KDM5B: variants seen among roughly 807,000 people sequenced by gnomAD.
KDM5B encodes the protein lysine demethylase 5B.
KDM5B carries 144 observed loss-of-function variants against 193.4 expected under a neutral mutation model. The ratio of observed to expected loss-of-function variants is 0.74; its 90% CI spans 0.65 to 0.86. The LOEUF is 0.86. KDM5B is among the 40% of genes least tolerant of loss of function. The pLI is 0.00. For synonymous variants in KDM5B, 668 were observed against 682.6 expected, an observed-to-expected ratio of 0.98 and a Z score of 0.33; for missense variants, 1,833 against 1,886.9, an observed-to-expected ratio of 0.97 and a Z score of 0.53.
chr1:202,752,098 C>A (rs1655813082), intron 12 of KDM5B, among the ~76,000 whole-genome samples: 1 of 152,092 alleles, frequency 6.6e-6, no homozygotes, highest in Admixed American at 6.6e-5. Flanking sequence ...GTAAATGTAT[C>A]ATTTACATTT....
chr1:202,742,144 G>T (rs1209593901), intron 18 of KDM5B, among the ~76,000 whole-genome samples: 1 of 151,868 alleles, frequency 6.6e-6, no homozygotes, highest in African/African-American at 2.4e-5. Context: ...AAGTGCTGGG[G>T]TTACAGGTGT....
chr1:202,760,589 TG>T lies in KDM5B; in HGVS notation c.919-17del. ...ACAGGTCCACCTGTAGCAATAAAAG[TG>T]GGTACAGAACAAAGGAACATGAGCT... On this transcript the variant is annotated splice_polypyrimidine_tract_variant and intron_variant, in intron 7 of 26. Coordinates refer to ENST00000367265, the MANE Select transcript of KDM5B (RefSeq NM_006618.5). 6.3e-7 allele frequency: 1 copy of T among 1,593,480 alleles called. No homozygotes were observed. The highest frequency in any genetic ancestry group is 8.5e-7 in the Non-Finnish European group (1 of 1,169,700).
At chr1:202,774,791 T>A in intron 2 of KDM5B, 56 bp from the exon 3 acceptor site, 2 of 1,512,698 alleles carry the variant, frequency 1.3e-6, no homozygotes, top group East Asian at 4.5e-5. Flanking sequence ...AAGCTCCTAT[T>A]ACCTGCCATT....
At position 202,733,790 on chromosome 1, in the gene KDM5B, C is replaced by T. The variant is rs143647342; in HGVS notation, c.3520G>A (p.Val1174Met). Residue 1174 changes from valine to methionine, a missense_variant, in exon 23 of 27, where the codon GTG becomes ATG. Around this residue, in one of 3 missense-constraint regions of KDM5B, gnomAD observed 1,379 missense variants for 1,349.6 expected, o/e 1.02. Transcript: ENST00000367265. ...TGACATAGGCAGATTTTTATATCCA[C>T]ATCTTGGAGAGGCGACAGCAATTTC... is the stretch of plus-strand genomic sequence containing the variant. ...EGKLLSPLQD[V>M]DIKICLCQKA... 299 of 1,614,162 alleles carry T rather than the reference C, an allele frequency of 1.9e-4. No homozygotes were observed. In the African/African-American group the frequency reaches 3.4e-3, roughly 18 times the overall value.
intron 2 of KDM5B, among the ~76,000 whole-genome samples, chr1:202,776,426 C>T (rs1225656396): frequency 6.6e-6 from 1 of 151,966 alleles, no homozygotes; most frequent in Non-Finnish European, 1.5e-5. Flanking sequence ...CTTTTATATG[C>T]CCAGCTTTGG....
chr1:202,778,997 G>A (rs1227262599), intron 1 of KDM5B, among the ~76,000 whole-genome samples: 1 of 152,238 alleles, frequency 6.6e-6, no homozygotes, highest in Non-Finnish European at 1.5e-5. Flanking sequence ...AGGCTTTACA[G>A]TAGAAAAATA....
chr1:202,739,003 G>A (rs1655199468), intron 20 of KDM5B, among the ~76,000 whole-genome samples: 1 of 152,094 alleles, frequency 6.6e-6, no homozygotes, highest in Non-Finnish European at 1.5e-5. Flanking sequence ...TCTTTTGTAG[G>A]GTTGGGAGGG....
At chr1:202,760,095 T>A (rs996385972) in intron 8 of KDM5B, among the ~76,000 whole-genome samples, 4 of 152,146 alleles carry the variant, frequency 2.6e-5, no homozygotes, top group African/African-American at 9.6e-5. Context: ...GGAGGACTAT[T>A]TGAGCTTAGG....
chr1:202,737,164 C>T (rs1454522849), intron 20 of KDM5B, among the ~76,000 whole-genome samples: 3 of 152,192 alleles, frequency 2.0e-5, no homozygotes, highest in African/African-American at 7.2e-5. Context: ...CCAATCCACT[C>T]ACCAATGATT....
rs144713226 is a variant in KDM5B, at chr1:202,763,303, G to C, written c.809-495C>G. On this transcript the variant is annotated intron_variant, in intron 6 of 26. Transcript: ENST00000367265. ...TCAATTACTGAACTATCATGTGGTA[G>C]GCATTGTGCTCAATGCTTTCCATAA... Among the ~76,000 whole-genome samples, 59 of 152,286 alleles carry C rather than the reference G, an allele frequency of 3.9e-4. No individual in the cohort carries two copies. The East Asian group carries it at 0.011, about 29-fold the overall frequency.
At position 202,735,575 on chromosome 1, in the gene KDM5B, G is replaced by A. The variant is rs774901980; in HGVS notation, c.3277C>T (p.Arg1093Ter). 7 of 1,613,376 alleles carry A rather than the reference G, an allele frequency of 4.3e-6. No homozygotes were observed. The highest frequency in any genetic ancestry group is 1.3e-5 in the African/African-American group (1 of 74,786). Residue 1093 changes from arginine (R) to a stop codon, truncating the protein, a stop_gained, in exon 22 of 27, where the codon CGA becomes TGA. Coordinates refer to ENST00000367265, the MANE Select transcript of KDM5B (RefSeq NM_006618.5). LOFTEE classifies it high-confidence loss of function. ...AATCCCAAAAGGCCAATATCACATC[G>A]AGGACACAGCACCTAATGTGGGACA... ...PYSLLEVLCP[R>*]CDIGLLGLKR...
rs553695051 is a variant in KDM5B, at chr1:202,770,209, C to A, written c.576+2909G>T. 9.7e-4 allele frequency among the ~76,000 whole-genome samples: 148 copies of A among 152,240 alleles called. 1 individual carries two copies. The highest frequency in any genetic ancestry group is 3.4e-3 in the African/African-American group (142 of 41,530). The stretch of plus-strand genomic sequence containing the variant: ...TTAACATACAGACGCTAATTTTAAC[C>A]TTTACTTGAGAAACCAGGACTTACA... On this transcript the variant is annotated intron_variant, in intron 4 of 26. Transcript: ENST00000367265.
chr1:202,744,919 C>T (rs552427007), intron 16 of KDM5B, among the ~76,000 whole-genome samples: 1 of 152,216 alleles, frequency 6.6e-6, no homozygotes, highest in East Asian at 1.9e-4. Flanking sequence ...CAATGATAGA[C>T]TGGATAAAGA....
chr1:202,750,850 CA>C, intron 12 of KDM5B, 72 bp from the exon 13 acceptor site: 1 of 1,477,342 alleles, frequency 6.8e-7, no homozygotes, highest in Non-Finnish European at 9.3e-7. Context: ...AATCTGGACA[CA>C]GTCTATTAGA....
chr1:202,751,649 G>C (rs1193019579), intron 12 of KDM5B, among the ~76,000 whole-genome samples: 1 of 152,150 alleles, frequency 6.6e-6, no homozygotes, highest in Non-Finnish European at 1.5e-5. Flanking sequence ...TCTCAATAGA[G>C]TTATTAGATC....
chr1:202,760,274 C>G (rs773455689), intron 8 of KDM5B, 141 bp downstream of exon 8: 14 of 576,394 alleles, frequency 2.4e-5, no homozygotes, highest in Non-Finnish European at 3.8e-5. Flanking sequence ...CATGTTTGTG[C>G]CACTGCACTC....
At chr1:202,776,470 A>G (rs1273673520) in intron 2 of KDM5B, among the ~76,000 whole-genome samples, 1 of 152,060 alleles carries the variant, frequency 6.6e-6, no homozygotes, top group East Asian at 1.9e-4. Context: ...TCAGCCCAGG[A>G]GTTTGAGACC....
intron 1 of KDM5B, among the ~76,000 whole-genome samples, chr1:202,777,530 G>GTT (rs1657010262): frequency 6.6e-6 from 1 of 150,402 alleles, no homozygotes; most frequent in Admixed American, 6.6e-5. Flanking sequence ...GTTTCACTCT[G>GTT]TTGCCCAGGC....
chr1:202,788,973 T>C (rs1234337437), intron 1 of KDM5B, among the ~76,000 whole-genome samples: 2 of 152,154 alleles, frequency 1.3e-5, no homozygotes, highest in Non-Finnish European at 2.9e-5. Flanking sequence ...GGTTGGACTC[T>C]GACCCCAACC....
Sources: gnomAD v4.1 joint callset for allele counts (sites outside exome capture counted in the v4.1 genomes callset) on GRCh38, gnomAD v4.1.1 for gene constraint, gnomAD v4.1.1 regional missense constraint, MANE v1.5 for transcripts, NCBI Gene and HGNC (gene_info 2026-07-23, HGNC 2026-07-21) for gene names.